The following ANO4 variants were observed in gnomAD, a reference collection of about 807,000 sequenced individuals.
ANO4 encodes the protein anoctamin 4, also known as anoctamin-4.
Under a neutral mutation model 141.9 loss-of-function variants are expected in ANO4, and 69 were observed. The ratio of observed to expected loss-of-function variants is 0.49; its 90% CI spans 0.40 to 0.59. The LOEUF (loss-of-function observed/expected upper bound fraction) is 0.59, where lower values mean the gene tolerates loss of function less well. Among genes scored for constraint, ANO4 ranks in the 20% least tolerant of loss-of-function variants. ANO4 has a pLI of 0.00. For synonymous variants in ANO4, 350 were observed against 394.3 expected, an observed-to-expected ratio of 0.89 and a Z score of 1.33; for missense variants, 894 against 1,162.2, an observed-to-expected ratio of 0.77 and a Z score of 3.36.
At chr12:101,111,504 T>A in intron 23 of ANO4, 59 bp from the exon 24 acceptor site, 2 of 1,414,890 alleles carry the variant, frequency 1.4e-6, no homozygotes, top group Non-Finnish European at 1.9e-6. Context: ...ATTCCATTTT[T>A]TCATAATTAT....
intron 5 of ANO4, among the ~76,000 whole-genome samples, chr12:100,948,232 G>GAACAAGGA (rs2042820790): frequency 6.6e-6 from 1 of 151,234 alleles, no homozygotes; most frequent in Non-Finnish European, 1.5e-5. Context: ...AAAGGTAAAG[G>GAACAAGGA]AACAAGGAAA....
chr12:100,933,102 G>C (rs1175587608), intron 3 of ANO4, among the ~76,000 whole-genome samples: 1 of 118,510 alleles, frequency 8.4e-6, no homozygotes, highest in Non-Finnish European at 1.8e-5. Flanking sequence ...TCTCCTTCTT[G>C]TCATTCTTTT....
intron 24 of ANO4, among the ~76,000 whole-genome samples, chr12:101,113,482 T>G (rs2050739661): frequency 6.6e-6 from 1 of 152,324 alleles, no homozygotes; most frequent in South Asian, 2.1e-4. Context: ...TTAACCTTTC[T>G]CTTTGACTTA....
chr12:100,753,113 G>A (rs2032456745), intron 3 of ANO4, among the ~76,000 whole-genome samples: 1 of 152,188 alleles, frequency 6.6e-6, no homozygotes, highest in Non-Finnish European at 1.5e-5. Context: ...TGCCAGAGAA[G>A]GGGCCAGTCC....
At chr12:101,090,047 G>C (rs964103208) in intron 17 of ANO4, among the ~76,000 whole-genome samples, 1 of 152,180 alleles carries the variant, frequency 6.6e-6, no homozygotes, top group African/African-American at 2.4e-5. Context: ...ACCACAATGA[G>C]ATACCATCTC....
rs550572072 is a variant in ANO4 at position 100,832,476 on chromosome 12, C to T, written c.-141+37449C>T. On this transcript the variant is annotated intron_variant, in intron 1 of 27. Transcript: ENST00000392977. The stretch of plus-strand genomic sequence containing the variant: ...TGTTTCCTTAAATAACCCAACACCC[C>T]AATCCACCTAGAACCGATGACTTTT... 1.9e-3 allele frequency among the ~76,000 whole-genome samples: 294 copies of T among 152,146 alleles called. 1 individual carries two copies. Among genetic ancestry groups the T allele is most frequent in the African/African-American group, 6.6e-3 (274 of 41,514 alleles).
At chr12:100,846,509 G>A (rs1047714308) in intron 1 of ANO4, among the ~76,000 whole-genome samples, 1 of 151,894 alleles carries the variant, frequency 6.6e-6, no homozygotes, top group African/African-American at 2.4e-5. Context: ...TGTAATTTGG[G>A]ACTAAAGCAA....
chr12:101,089,867 C>G (rs1170685608), intron 17 of ANO4, among the ~76,000 whole-genome samples: 1 of 152,144 alleles, frequency 6.6e-6, no homozygotes, highest in Admixed American at 6.5e-5. Context: ...GGGCTAATAT[C>G]CAGAATCTAC....
At chr12:101,120,376 T>C (rs926473906) in intron 25 of ANO4, 144 bp from the exon 26 acceptor site, 1 of 681,950 alleles carries the variant, frequency 1.5e-6, no homozygotes, top group Non-Finnish European at 2.4e-6. Flanking sequence ...AGAAAAATGC[T>C]GGACAAGCAA....
intron 3 of ANO4, among the ~76,000 whole-genome samples, chr12:100,785,977 T>A (rs1593327680): frequency 6.6e-6 from 1 of 152,208 alleles, no homozygotes; most frequent in Non-Finnish European, 1.5e-5. Flanking sequence ...TACCAAAATA[T>A]GAGCATGTCA....
At chr12:101,121,120 A>G (rs2051072180) in intron 26 of ANO4, among the ~76,000 whole-genome samples, 1 of 152,140 alleles carries the variant, frequency 6.6e-6, no homozygotes, top group African/African-American at 2.4e-5. Flanking sequence ...CAAGTTTGTT[A>G]CAAAGTTACA....
intron 1 of ANO4, among the ~76,000 whole-genome samples, chr12:100,807,431 C>T (rs1298286009): frequency 6.6e-6 from 1 of 152,100 alleles, no homozygotes; most frequent in Non-Finnish European, 1.5e-5. Context: ...CCCTATTACC[C>T]TTTTGTTCCA....
At chr12:101,059,787 C>T (rs1297636475) in intron 14 of ANO4, among the ~76,000 whole-genome samples, 1 of 152,112 alleles carries the variant, frequency 6.6e-6, no homozygotes, top group Non-Finnish European at 1.5e-5. Flanking sequence ...CTTTATTAGT[C>T]TGGCTAGTGG....
At chr12:100,790,203 G>A (rs1316211726), upstream of ANO4, among the ~76,000 whole-genome samples, 3 of 152,188 alleles carry the variant, frequency 2.0e-5, no homozygotes, top group Admixed American at 2.0e-4. Flanking sequence ...AGTAATGGTG[G>A]GAAATTATGC....
chr12:101,048,480 T>TCCAAA, intron 14 of ANO4, 79 bp downstream of exon 14: 2 of 1,322,998 alleles, frequency 1.5e-6, no homozygotes, highest in Non-Finnish European at 1.1e-6. Flanking sequence ...TCACTTTGGA[T>TCCAAA]GTGAAAGAAA....
At chr12:100,754,656 A>G (rs1266141804) in intron 3 of ANO4, among the ~76,000 whole-genome samples, 1 of 152,178 alleles carries the variant, frequency 6.6e-6, no homozygotes, top group Non-Finnish European at 1.5e-5. Flanking sequence ...AAAGGTAAAA[A>G]CAGCCCAAAT....
At chr12:100,834,557 T>C (rs568327571) in intron 1 of ANO4, among the ~76,000 whole-genome samples, 1 of 152,256 alleles carries the variant, frequency 6.6e-6, no homozygotes, top group East Asian at 1.9e-4. Flanking sequence ...TTAATATACA[T>C]GTACCAACAT....
intron 26 of ANO4, among the ~76,000 whole-genome samples, chr12:101,124,132 GT>G (rs2051209291): frequency 6.6e-6 from 1 of 152,158 alleles, no homozygotes; most frequent in Admixed American, 6.5e-5. Context: ...AGCATCTGTT[GT>G]TTCTGGACTT....
intron 8 of ANO4, among the ~76,000 whole-genome samples, chr12:101,019,152 C>T (rs531903211): frequency 3.3e-5 from 5 of 152,184 alleles, no homozygotes; most frequent in African/African-American, 1.2e-4. Context: ...GCATGATGTC[C>T]AGCTTATAGG....
Sources: allele counts gnomAD v4.1 joint callset (sites outside exome capture counted in the v4.1 genomes callset), GRCh38; gene constraint gnomAD v4.1.1; transcripts MANE v1.5; gene names NCBI Gene and HGNC (gene_info 2026-07-23, HGNC 2026-07-21).